SCHIP1: variants seen among roughly 807,000 people sequenced by gnomAD.
The protein encoded by SCHIP1 is schwannomin-interacting protein 1.
Under a neutral mutation model 29.7 loss-of-function variants are expected in SCHIP1, and 8 were observed. That is an observed-to-expected ratio of 0.27 (90% CI 0.16 to 0.49). The LOEUF (loss-of-function observed/expected upper bound fraction) is 0.49, where lower values mean the gene tolerates loss of function less well. SCHIP1 is among the 20% of genes least tolerant of loss of function. The pLI is 0.99. For missense variants in SCHIP1, 193 were observed against 294.6 expected (o/e 0.66, Z 2.52); for synonymous variants, 76 against 94.9 (o/e 0.80, Z 1.16).
the SCHIP1 span, among the ~76,000 whole-genome samples, chr3:159,773,221 T>C: frequency 2.0e-5 from 3 of 152,220 alleles, no homozygotes; most frequent in African/African-American, 4.8e-5. Flanking sequence ...AAATGCACTT[T>C]CTACTGTCAC....
the SCHIP1 span, among the ~76,000 whole-genome samples, chr3:159,468,413 A>G: frequency 6.6e-6 from 1 of 152,058 alleles, no homozygotes; most frequent in Non-Finnish European, 1.5e-5. Context: ...ACAAACCTGT[A>G]TGTGCCAAAA....
intron 1 of SCHIP1, among the ~76,000 whole-genome samples, chr3:159,850,114 G>A (rs1712383036): frequency 6.6e-6 from 1 of 152,326 alleles, no homozygotes; most frequent in East Asian, 1.9e-4. Flanking sequence ...CAGTGAAGTA[G>A]CTTCCATTTC....
intron 2 of SCHIP1, among the ~76,000 whole-genome samples, chr3:159,874,569 A>G (rs564555364): frequency 6.6e-6 from 1 of 152,338 alleles, no homozygotes; most frequent in East Asian, 1.9e-4. Flanking sequence ...AGAGACTTCA[A>G]AGAAATAGGA....
the SCHIP1 span, among the ~76,000 whole-genome samples, chr3:159,378,642 C>T: frequency 0.021 from 3,230 of 152,218 alleles, 43 homozygotes; most frequent in Non-Finnish European, 0.033. Flanking sequence ...TTTGAACTCC[C>T]GGTATAGCAC....
the SCHIP1 span, among the ~76,000 whole-genome samples, chr3:159,644,166 T>G: frequency 2.6e-5 from 4 of 152,266 alleles, no homozygotes; most frequent in East Asian, 5.8e-4. Context: ...AATAGAGAAT[T>G]CGTTAAATAA....
At chr3:159,394,359 G>T in the SCHIP1 span, among the ~76,000 whole-genome samples, 1 of 152,070 alleles carries the variant, frequency 6.6e-6, no homozygotes, top group African/African-American at 2.4e-5. Flanking sequence ...ATGTTGAATA[G>T]GAGTGGTGAG....
At chr3:159,496,074 C>T in the SCHIP1 span, among the ~76,000 whole-genome samples, 1 of 152,142 alleles carries the variant, frequency 6.6e-6, no homozygotes. Flanking sequence ...AAACTGGATC[C>T]CTTCCTTACA....
chr3:159,322,873 T>G, the SCHIP1 span, among the ~76,000 whole-genome samples: 3 of 152,182 alleles, frequency 2.0e-5, no homozygotes, highest in Admixed American at 6.5e-5. Flanking sequence ...TGAACAGATA[T>G]GAGGCTATGG....
the SCHIP1 span, among the ~76,000 whole-genome samples, chr3:159,498,643 C>T: frequency 2.6e-5 from 4 of 151,916 alleles, no homozygotes; most frequent in African/African-American, 7.3e-5. Flanking sequence ...AATACCTTTT[C>T]CTCAAGACTA....
At chr3:159,872,859 G>A (rs1384662727) in intron 2 of SCHIP1, among the ~76,000 whole-genome samples, 1 of 152,160 alleles carries the variant, frequency 6.6e-6, no homozygotes, top group Admixed American at 6.5e-5. Context: ...GTTAGAATTT[G>A]TTTCTGCTGC....
the SCHIP1 span, among the ~76,000 whole-genome samples, chr3:159,561,450 A>G: frequency 6.6e-6 from 1 of 152,200 alleles, no homozygotes; most frequent in African/African-American, 2.4e-5. Flanking sequence ...TCAGATGCCA[A>G]TATATAATGT....
chr3:159,547,762 G>T, the SCHIP1 span, among the ~76,000 whole-genome samples: 2 of 152,114 alleles, frequency 1.3e-5, no homozygotes, highest in African/African-American at 4.8e-5. Context: ...CTGTTCCACT[G>T]GTCTATATAT....
the SCHIP1 span, among the ~76,000 whole-genome samples, chr3:159,710,918 C>G: frequency 6.6e-6 from 1 of 152,290 alleles, no homozygotes; most frequent in East Asian, 1.9e-4. Flanking sequence ...CAGGTAGCCT[C>G]TGGCCCTACC....
chr3:159,397,242 T>A, the SCHIP1 span, among the ~76,000 whole-genome samples: 1 of 152,128 alleles, frequency 6.6e-6, no homozygotes, highest in Non-Finnish European at 1.5e-5. Context: ...TTCAAAGTTT[T>A]CAACTTCTTT....
At chr3:159,818,045 G>C in the SCHIP1 span, among the ~76,000 whole-genome samples, 3 of 152,204 alleles carry the variant, frequency 2.0e-5, no homozygotes, top group Non-Finnish European at 4.4e-5. Flanking sequence ...CCTCAAGTCA[G>C]ACAACAGCCC....
the SCHIP1 span, among the ~76,000 whole-genome samples, chr3:159,810,188 G>C: frequency 6.6e-6 from 1 of 152,238 alleles, no homozygotes; most frequent in South Asian, 2.1e-4. Flanking sequence ...TGGGATTACA[G>C]GCAGGTGCCA....
chr3:159,654,725 G>A, the SCHIP1 span, among the ~76,000 whole-genome samples: 1 of 148,618 alleles, frequency 6.7e-6, no homozygotes, highest in Non-Finnish European at 1.5e-5. Context: ...CATGGATGGA[G>A]CTACGGGACA....
At chr3:159,342,337 G>A in the SCHIP1 span, among the ~76,000 whole-genome samples, 2 of 152,122 alleles carry the variant, frequency 1.3e-5, no homozygotes, top group African/African-American at 4.8e-5. Context: ...ATAAAGCTAA[G>A]TTTCAATTTC....
At chr3:159,566,377 G>A in the SCHIP1 span, among the ~76,000 whole-genome samples, 1 of 152,158 alleles carries the variant, frequency 6.6e-6, no homozygotes, top group Non-Finnish European at 1.5e-5. Flanking sequence ...ACCAGGTATT[G>A]TTCTAGGTAC....
Sources: gnomAD v4.1 joint callset for allele counts (sites outside exome capture counted in the v4.1 genomes callset) on GRCh38, gnomAD v4.1.1 for gene constraint, MANE v1.5 for transcripts, NCBI Gene and HGNC (gene_info 2026-07-23, HGNC 2026-07-21) for gene names.